Variants in COPG2 observed in about 807,000 individuals in gnomAD.
The protein encoded by COPG2 is coat protein complex I subunit gamma 2.
In COPG2, 37 loss-of-function variants were observed where a neutral mutation model predicts 46.3. The ratio of observed to expected loss-of-function variants is 0.80; its 90% CI spans 0.61 to 1.05. The LOEUF (loss-of-function observed/expected upper bound fraction) is 1.05. Ranked by LOEUF, COPG2 falls within the 50% of genes least tolerant of loss-of-function variation. COPG2 has a pLI of 0.00. For missense variants in COPG2, 427 were observed against 387.8 expected, an observed-to-expected ratio of 1.10 and a Z score of -0.85; for synonymous variants, 159 against 129.7, an observed-to-expected ratio of 1.23 and a Z score of -1.53.
chr7:130,615,110 T>C (rs188419188), intron 6 of COPG2, among the ~76,000 whole-genome samples: 121 of 152,346 alleles, frequency 7.9e-4, no homozygotes, highest in Middle Eastern at 3.4e-3. Flanking sequence ...ATGAAGGTCA[T>C]GGATACGGTC....
intron 5 of COPG2, among the ~76,000 whole-genome samples, chr7:130,640,105 A>G (rs1401193375): frequency 6.6e-6 from 1 of 151,764 alleles, no homozygotes; most frequent in African/African-American, 2.4e-5. Flanking sequence ...AACACAAACA[A>G]ACAAACAAAC....
At chr7:130,644,139 T>C (rs868913152) in intron 5 of COPG2, among the ~76,000 whole-genome samples, 5 of 118,422 alleles carry the variant, frequency 4.2e-5, no homozygotes, top group African/African-American at 1.2e-4. Context: ...TGGTATCTGT[T>C]TTAAAACAAA....
intron 9 of COPG2, among the ~76,000 whole-genome samples, chr7:130,568,262 C>T (rs1041602635): frequency 4.7e-4 from 72 of 151,894 alleles, no homozygotes; most frequent in African/African-American, 1.4e-3. Flanking sequence ...GCAACAGGAG[C>T]GAAACTCTGT....
chr7:130,623,375 G>C (rs1795068544), intron 5 of COPG2, among the ~76,000 whole-genome samples: 1 of 152,134 alleles, frequency 6.6e-6, no homozygotes. Flanking sequence ...GTCTGACCAA[G>C]GTGACCACAT....
chr7:130,577,476 C>A lies in COPG2; in HGVS notation c.738-13083G>T, dbSNP rs1794023567. On this transcript the variant is annotated intron_variant, in intron 9 of 23. Transcript: ENST00000425248. ...CTTTTCCGACCGGCTTAAAAAACAG[C>A]CCAGGCCAGGCGCGGTGGCTCACGC... 3.3e-5 allele frequency among the ~76,000 whole-genome samples: 5 copies of A among 152,302 alleles called. No homozygotes were observed. In the South Asian group the frequency reaches 1.0e-3, roughly 32 times the overall value.
At chr7:130,509,879 T>C (rs782016619) in intron 20 of COPG2, 2 of 487,834 alleles carry the variant, frequency 4.1e-6, no homozygotes, top group Admixed American at 4.3e-5. Context: ...TGTGAAACGA[T>C]ATAATAGTTT....
At chr7:130,629,717 T>G (rs1268894667) in intron 5 of COPG2, among the ~76,000 whole-genome samples, 1 of 152,042 alleles carries the variant, frequency 6.6e-6, no homozygotes, top group Non-Finnish European at 1.5e-5. Context: ...ATTCTACATA[T>G]GCTAGTCTGT....
chr7:130,535,747 A>G (rs1351211146), intron 20 of COPG2, among the ~76,000 whole-genome samples: 1 of 150,136 alleles, frequency 6.7e-6, no homozygotes, highest in African/African-American at 2.5e-5. Context: ...GGTGGGGTGA[A>G]GTGGGCCAAG....
intron 20 of COPG2, among the ~76,000 whole-genome samples, chr7:130,530,385 G>A (rs1799812460): frequency 6.6e-6 from 1 of 152,220 alleles, no homozygotes; most frequent in African/African-American, 2.4e-5. Flanking sequence ...CAGAAAGAAA[G>A]AAGAGGAGAA....
chr7:130,608,063 T>C, intron 9 of COPG2: 1 of 340,240 alleles, frequency 2.9e-6, no homozygotes, highest in South Asian at 2.5e-5. Context: ...CTCAACTGAA[T>C]ATTTTTAAAT....
intron 12 of COPG2, among the ~76,000 whole-genome samples, chr7:130,559,290 T>C (rs1793680313): frequency 6.6e-6 from 1 of 152,126 alleles, no homozygotes; most frequent in African/African-American, 2.4e-5. Context: ...ACTGCTTGTG[T>C]CCCTGTAGGT....
At chr7:130,524,881 A>G (rs1027403443) in intron 20 of COPG2, among the ~76,000 whole-genome samples, 4 of 152,134 alleles carry the variant, frequency 2.6e-5, no homozygotes, top group African/African-American at 4.8e-5. Context: ...GCCATGGTGG[A>G]ACAGACAAGG....
intron 20 of COPG2, among the ~76,000 whole-genome samples, chr7:130,517,278 A>G (rs1394786791): frequency 3.3e-5 from 5 of 152,194 alleles, no homozygotes; most frequent in Non-Finnish European, 7.3e-5. Flanking sequence ...AAAACAGACA[A>G]AAGTTAAGAC....
chr7:130,516,237 C>T (rs931930432), intron 20 of COPG2, among the ~76,000 whole-genome samples: 16 of 151,714 alleles, frequency 1.1e-4, no homozygotes, highest in Non-Finnish European at 1.8e-4. Context: ...CATACTTGGG[C>T]GAAAGGTCAT....
chr7:130,609,172 C>T (rs144717447), intron 9 of COPG2, among the ~76,000 whole-genome samples: 1 of 152,148 alleles, frequency 6.6e-6, no homozygotes, highest in South Asian at 2.1e-4. Context: ...TGAGCCACCG[C>T]ACCCAGCCCC....
At chr7:130,658,744 G>A (rs1367766778) in intron 4 of COPG2, among the ~76,000 whole-genome samples, 9 of 151,538 alleles carry the variant, frequency 5.9e-5, no homozygotes, top group East Asian at 1.9e-4. Flanking sequence ...GCAGTGGCAC[G>A]ATCTCAGCTC....
intron 4 of COPG2, 72 bp from the exon 5 acceptor site, chr7:130,653,020 A>G: frequency 1.1e-6 from 1 of 910,688 alleles, no homozygotes; most frequent in Admixed American, 2.2e-5. Flanking sequence ...TGAAGTGAGG[A>G]CCCCAAGTAG....
chr7:130,656,595 G>A (rs146409578), intron 4 of COPG2, among the ~76,000 whole-genome samples: 19 of 152,196 alleles, frequency 1.2e-4, no homozygotes, highest in African/African-American at 3.6e-4. Context: ...GAAGACAGCT[G>A]CAATAGTGAA....
intron 20 of COPG2, among the ~76,000 whole-genome samples, chr7:130,530,738 T>C (rs1283379066): frequency 1.3e-5 from 2 of 151,672 alleles, no homozygotes; most frequent in East Asian, 2.0e-4. Flanking sequence ...GATGAGGCAG[T>C]GCAACAGGGG....
Sources: allele counts gnomAD v4.1 joint callset (sites outside exome capture counted in the v4.1 genomes callset), GRCh38; gene constraint gnomAD v4.1.1; transcripts MANE v1.5; gene names NCBI Gene and HGNC (gene_info 2026-07-23, HGNC 2026-07-21).